The following PTPRK variants were observed in gnomAD, a reference collection of about 807,000 sequenced individuals.
The protein encoded by PTPRK is receptor-type tyrosine-protein phosphatase kappa.
In PTPRK, 75 loss-of-function variants were observed where a neutral mutation model predicts 178.0. The ratio of observed to expected loss-of-function variants is 0.42; its 90% confidence interval spans 0.35 to 0.51. The LOEUF (loss-of-function observed/expected upper bound fraction) is 0.51. Among genes scored for constraint, PTPRK ranks in the 20% least tolerant of loss-of-function variants. The pLI is 0.02. For missense variants in PTPRK, 1,441 were observed against 1,797.8 expected, an observed-to-expected ratio of 0.80 and a Z score of 3.59; for synonymous variants, 637 against 620.6, an observed-to-expected ratio of 1.03 and a Z score of -0.39.
intron 2 of PTPRK, among the ~76,000 whole-genome samples, chr6:128,366,664 C>T (rs569595530): frequency 5.3e-4 from 81 of 152,144 alleles, no homozygotes; most frequent in African/African-American, 1.9e-3. Flanking sequence ...TCTATGATCC[C>T]AGAGACTGTG....
intron 2 of PTPRK, among the ~76,000 whole-genome samples, chr6:128,387,150 T>G (rs1335815525): frequency 6.6e-6 from 1 of 152,152 alleles, no homozygotes; most frequent in Non-Finnish European, 1.5e-5. Flanking sequence ...TTGGATAATA[T>G]TTACGATCCT....
At chr6:128,085,690 C>T (rs903578242) in intron 8 of PTPRK, among the ~76,000 whole-genome samples, 7 of 152,154 alleles carry the variant, frequency 4.6e-5, no homozygotes, top group African/African-American at 1.7e-4. Flanking sequence ...GAAGTACCTT[C>T]CCTAGAAGTT....
intron 15 of PTPRK, among the ~76,000 whole-genome samples, chr6:128,004,186 A>C (rs372719935): frequency 2.0e-5 from 3 of 151,818 alleles, no homozygotes; most frequent in African/African-American, 7.2e-5. Flanking sequence ...ATCTGAGCCA[A>C]ATGCCATAAG....
At chr6:128,499,006 C>T (rs1182183267) in intron 1 of PTPRK, among the ~76,000 whole-genome samples, 3 of 152,076 alleles carry the variant, frequency 2.0e-5, no homozygotes, top group African/African-American at 4.8e-5. Context: ...AATTTTAAAT[C>T]GAGTTTTATT....
At chr6:128,141,045 A>G (rs991554398) in intron 7 of PTPRK, among the ~76,000 whole-genome samples, 6 of 151,962 alleles carry the variant, frequency 3.9e-5, no homozygotes, top group Admixed American at 3.3e-4. Flanking sequence ...ATGAATTTTG[A>G]CTACCTATTA....
At chr6:128,315,820 C>T (rs929831048) in intron 3 of PTPRK, among the ~76,000 whole-genome samples, 5 of 152,072 alleles carry the variant, frequency 3.3e-5, no homozygotes, top group East Asian at 1.9e-4. Flanking sequence ...AGATAAAAAA[C>T]GTATTCGTTT....
At chr6:128,079,385 T>A (rs558753608) in intron 10 of PTPRK, among the ~76,000 whole-genome samples, 1 of 152,038 alleles carries the variant, frequency 6.6e-6, no homozygotes, top group Admixed American at 6.6e-5. Flanking sequence ...AGTACTCTTA[T>A]GCTAATGTGT....
Position 128,067,674 on chromosome 6 carries a change from A to G in PTPRK, c.2002T>C (p.Tyr668His). Residue 668 changes from tyrosine (Y) to histidine (H), a missense_variant, in exon 12 of 30, where the codon TAT (tyrosine) becomes CAT (histidine). By Grantham distance (83) the Tyr-to-His change is moderately conservative. This residue lies in a region of PTPRK where 945 missense variants were observed against 1,080.6 expected (regional missense o/e 0.87). Transcript: ENST00000368226. ...YQNAMSGGAPYYFAAELPPGN... is the reference protein window; with the variant it reads ...YQNAMSGGAPHYFAAELPPGN... ...GGGGGGAGTTCTGCAGCAAAGTAAT[A>G]CGGTGCACCCCCACTCATGGCATTT... 6.2e-7 allele frequency: 1 copy of G among 1,613,730 alleles called. No homozygotes were observed. The highest frequency in any genetic ancestry group is 8.5e-7 in the Non-Finnish European group (1 of 1,179,756).
chr6:128,132,748 C>G (rs1794450544), intron 7 of PTPRK, among the ~76,000 whole-genome samples: 2 of 152,234 alleles, frequency 1.3e-5, no homozygotes, highest in Non-Finnish European at 2.9e-5. Flanking sequence ...AACCTGTGTT[C>G]TACATATGCT....
chr6:128,288,405 A>G (rs1342342479), intron 3 of PTPRK, among the ~76,000 whole-genome samples: 2 of 152,212 alleles, frequency 1.3e-5, no homozygotes, highest in Non-Finnish European at 2.9e-5. Context: ...ATGTGAAAAT[A>G]TCTCTATCTG....
chr6:127,984,414 T>C (rs1270282134), intron 22 of PTPRK, among the ~76,000 whole-genome samples: 2 of 152,164 alleles, frequency 1.3e-5, no homozygotes, highest in Non-Finnish European at 2.9e-5. Flanking sequence ...CAATTTTATA[T>C]ATAGAAGTCA....
rs539523876 is a variant in PTPRK, at chr6:127,969,547, A to C, written c.*680T>G. The stretch of plus-strand genomic sequence containing the variant: ...CTAAAGAAAAAGCTTTCTTCAGGAA[A>C]AAAAAGATGATTGTGTGGTGGTAGT... On this transcript the variant is annotated 3_prime_UTR_variant, in exon 30 of 30. Coordinates refer to ENST00000368226, the MANE Select transcript of PTPRK (RefSeq NM_002844.4). 6.6e-6 allele frequency: 1 copy of C among 152,306 alleles called. No homozygotes were observed. Among genetic ancestry groups the C allele is most frequent in the Non-Finnish European group, 1.5e-5 (1 of 68,010 alleles). 9.4% of individuals were successfully genotyped at this position (152,306 alleles called of 1,614,324 possible). A position where few individuals can be genotyped will look rare whatever the true frequency, so the allele number is the denominator to read the frequency against.
chr6:128,166,001 A>G (rs1799342626), intron 7 of PTPRK, among the ~76,000 whole-genome samples: 1 of 151,688 alleles, frequency 6.6e-6, no homozygotes, highest in Non-Finnish European at 1.5e-5. Context: ...TATTTCTTCT[A>G]GATATATGTA....
chr6:128,347,128 A>C (rs1832532457), intron 2 of PTPRK, among the ~76,000 whole-genome samples: 1 of 152,148 alleles, frequency 6.6e-6, no homozygotes, highest in Non-Finnish European at 1.5e-5. Flanking sequence ...ATAAATGAAT[A>C]ATATAATGTT....
intron 7 of PTPRK, among the ~76,000 whole-genome samples, chr6:128,177,809 C>T (rs563323391): frequency 6.6e-6 from 1 of 151,706 alleles, no homozygotes; most frequent in African/African-American, 2.4e-5. Flanking sequence ...TGTTGATTAC[C>T]TTATAAGTCA....
chr6:128,456,073 C>T (rs1015685113), intron 1 of PTPRK, among the ~76,000 whole-genome samples: 3 of 152,080 alleles, frequency 2.0e-5, no homozygotes, highest in Admixed American at 6.6e-5. Context: ...TATCATGAAT[C>T]GGGCTCCTCA....
rs754096532 is a variant in PTPRK, at chr6:127,973,679, G to A, written c.4118C>T (p.Thr1373Met). 1.2e-5 allele frequency: 20 copies of A among 1,613,498 alleles called. No homozygotes were observed. Among genetic ancestry groups the A allele is most frequent in the South Asian group, 3.3e-5 (3 of 91,032 alleles). ...QEECEEGEGR[T>M]IIHCLNGGGR... Reference sequence around the variant, plus strand: ...CCCTACTCACAGGCAGTGGATAATCGTCCGGCCTTCCCCTTCCTCGCATTC... The same window carrying A: ...CCCTACTCACAGGCAGTGGATAATCATCCGGCCTTCCCCTTCCTCGCATTC... The change falls in exon 28 of 30, where the codon ACG (threonine) becomes ATG (methionine). Residue 1373 changes from threonine (T) to methionine (M), a missense_variant. This residue lies in a region of PTPRK where 335 missense variants were observed against 512.4 expected (regional missense o/e 0.65). Coordinates refer to ENST00000368226, the MANE Select transcript of PTPRK (RefSeq NM_002844.4).
chr6:128,121,379 G>A (rs533958346), intron 7 of PTPRK, among the ~76,000 whole-genome samples: 1 of 151,928 alleles, frequency 6.6e-6, no homozygotes, highest in African/African-American at 2.4e-5. Context: ...AATATTTACT[G>A]TTCACAGGAG....
intron 7 of PTPRK, among the ~76,000 whole-genome samples, chr6:128,094,289 G>A (rs552442456): frequency 1.3e-5 from 2 of 152,248 alleles, no homozygotes; most frequent in South Asian, 4.2e-4. Context: ...TTAATTTGGA[G>A]GCTGTGTCAA....
Sources: allele counts gnomAD v4.1 joint callset (sites outside exome capture counted in the v4.1 genomes callset), GRCh38; gene constraint gnomAD v4.1.1; regional missense constraint gnomAD v4.1.1; transcripts MANE v1.5; gene names NCBI Gene and HGNC (gene_info 2026-07-23, HGNC 2026-07-21).